USP13: variants seen among roughly 807,000 people sequenced by gnomAD.
USP13 encodes ubiquitin carboxyl-terminal hydrolase 13.
USP13 carries 68 observed loss-of-function variants against 107.8 expected under a neutral mutation model. That is an observed-to-expected ratio of 0.63 (90% CI 0.52 to 0.77). The LOEUF (loss-of-function observed/expected upper bound fraction) is 0.77. Among genes scored for constraint, USP13 ranks in the 30% least tolerant of loss-of-function variants. The probability of loss-of-function intolerance (pLI) is 0.00; values close to 1 mark genes in which losing one functional copy is unlikely to be tolerated. For synonymous variants in USP13, 377 were observed against 389.5 expected, an observed-to-expected ratio of 0.97 and a Z score of 0.38; for missense variants, 945 against 1,093.3, an observed-to-expected ratio of 0.86 and a Z score of 1.91.
intron 8 of USP13, among the ~76,000 whole-genome samples, chr3:179,728,872 G>C (rs556871177): frequency 4.6e-5 from 7 of 151,344 alleles, no homozygotes; most frequent in Admixed American, 2.6e-4. Context: ...ATCGCAGGCA[G>C]TCGGCAGGCT....
In USP13 at chr3:179,761,243, A is replaced by G. The variant is rs1376392450; in HGVS notation, c.2080A>G (p.Met694Val). 6.2e-7 allele frequency: 1 copy of G among 1,614,182 alleles called. No homozygotes were observed. Among genetic ancestry groups the G allele is most frequent in the Non-Finnish European group, 8.5e-7 (1 of 1,180,034 alleles). Residue 694 changes from methionine (M) to valine (V), a missense_variant, in exon 17 of 21, where the codon ATG becomes GTG. Physicochemically the swap from Met to Val is conservative, Grantham distance 21 (BLOSUM62 1). Coordinates refer to ENST00000263966, the MANE Select transcript of USP13 (RefSeq NM_003940.3). ...EVAFNWIIVH[M>V]EEPDFAEPLT... ...GGCCTTCAACTGGATCATTGTTCAC[A>G]TGGAAGAGCCAGGTAGGTGGCGAGA...
chr3:179,746,589 T>C (rs530269425), intron 13 of USP13, among the ~76,000 whole-genome samples: 70 of 152,218 alleles, frequency 4.6e-4, no homozygotes, highest in African/African-American at 1.6e-3. Context: ...TGTGCCACCA[T>C]GCCCGGCTAG....
chr3:179,769,078 A>C (rs551497498), intron 19 of USP13, among the ~76,000 whole-genome samples: 1 of 152,340 alleles, frequency 6.6e-6, no homozygotes, highest in South Asian at 2.1e-4. Flanking sequence ...AATGTATAAA[A>C]ATGAATATAA....
At chr3:179,695,030 A>G (rs894764675) in intron 3 of USP13, among the ~76,000 whole-genome samples, 14 of 152,152 alleles carry the variant, frequency 9.2e-5, no homozygotes, top group Admixed American at 8.5e-4. Context: ...GGGGTCTCTT[A>G]TTAGGAAGAA....
intron 15 of USP13, among the ~76,000 whole-genome samples, chr3:179,756,597 A>G (rs1714809432): frequency 6.6e-6 from 1 of 151,962 alleles, no homozygotes; most frequent in Non-Finnish European, 1.5e-5. Context: ...TAAAAAATTT[A>G]AAAGTTTGCC....
intron 10 of USP13, among the ~76,000 whole-genome samples, chr3:179,734,682 CT>C (rs1713924294): frequency 6.6e-6 from 1 of 152,216 alleles, no homozygotes; most frequent in Non-Finnish European, 1.5e-5. Flanking sequence ...GGGAATGCCC[CT>C]GTCCTCTTAG....
rs1408796121 is a variant in USP13 at position 179,786,763 on chromosome 3, A to G, written c.*2622A>G. On this transcript the variant is annotated 3_prime_UTR_variant, in exon 21 of 21. Transcript: ENST00000263966. ...GACTGAAAAGTGGAATAACGTGTGG[A>G]TTTTGTCAACTCATTATCAGTCTGT... 1 of 152,230 alleles carries G rather than the reference A, an allele frequency of 6.6e-6. No individual in the cohort carries two copies. Among genetic ancestry groups the G allele is most frequent in the Non-Finnish European group, 1.5e-5 (1 of 68,046 alleles). The allele number at this position is 152,230 out of a possible 1,614,324, so 9.4% of individuals were successfully genotyped here. A position where few individuals can be genotyped will look rare whatever the true frequency, so the allele number is the denominator to read the frequency against.
At chr3:179,764,366 G>A (rs546777813) in intron 18 of USP13, among the ~76,000 whole-genome samples, 198 bp downstream of exon 18, 12 of 152,192 alleles carry the variant, frequency 7.9e-5, no homozygotes, top group East Asian at 1.9e-4. Flanking sequence ...TTCACACAGC[G>A]AATGAGATAA....
At chr3:179,741,777 T>A (rs1416454031) in intron 11 of USP13, among the ~76,000 whole-genome samples, 2 of 152,246 alleles carry the variant, frequency 1.3e-5, no homozygotes, top group Non-Finnish European at 2.9e-5. Flanking sequence ...CATCATCACA[T>A]CTGTTAACAG....
intron 17 of USP13, among the ~76,000 whole-genome samples, chr3:179,763,118 A>G (rs908803865): frequency 6.6e-6 from 1 of 152,188 alleles, no homozygotes; most frequent in Non-Finnish European, 1.5e-5. Flanking sequence ...CAAATTCCAG[A>G]TACGAGTTTC....
intron 19 of USP13, among the ~76,000 whole-genome samples, chr3:179,774,241 C>T (rs939721878): frequency 2.0e-5 from 3 of 152,098 alleles, no homozygotes; most frequent in African/African-American, 7.2e-5. Context: ...GAGAGGGCAC[C>T]AAGGTATTCA....
At chr3:179,772,576 A>G (rs1164431181) in intron 19 of USP13, among the ~76,000 whole-genome samples, 1 of 152,224 alleles carries the variant, frequency 6.6e-6, no homozygotes, top group African/African-American at 2.4e-5. Flanking sequence ...CAGGGAAGCT[A>G]AGCCCCAGTG....
At chr3:179,735,382 T>G (rs764837480) in intron 10 of USP13, among the ~76,000 whole-genome samples, 22 of 152,168 alleles carry the variant, frequency 1.4e-4, no homozygotes, top group Non-Finnish European at 3.1e-4. Flanking sequence ...GATTTTTGGT[T>G]TCTTTTAGGG....
At chr3:179,732,857 GTA>G (rs1713855975) in intron 10 of USP13, among the ~76,000 whole-genome samples, 2 of 152,180 alleles carry the variant, frequency 1.3e-5, no homozygotes, top group Admixed American at 1.3e-4. Flanking sequence ...CTGTAGTGTA[GTA>G]GCTCCTTACA....
At chr3:179,766,053 C>A (rs186908176) in intron 19 of USP13, among the ~76,000 whole-genome samples, 1 of 151,466 alleles carries the variant, frequency 6.6e-6, no homozygotes, top group Non-Finnish European at 1.5e-5. Flanking sequence ...GATCTCGGCT[C>A]ACTGCAACCT....
intron 1 of USP13, among the ~76,000 whole-genome samples, chr3:179,663,993 TG>T (rs1241233277): frequency 6.6e-6 from 1 of 152,174 alleles, no homozygotes; most frequent in Non-Finnish European, 1.5e-5. Context: ...ATCTCTGTCA[TG>T]GGTGGGATAC....
At chr3:179,675,682 G>A (rs536411077) in intron 1 of USP13, among the ~76,000 whole-genome samples, 1 of 151,950 alleles carries the variant, frequency 6.6e-6, no homozygotes, top group East Asian at 1.9e-4. Flanking sequence ...TGAGTAGCTG[G>A]GACTAGAAGC....
At chr3:179,667,202 A>G (rs1164299494) in intron 1 of USP13, among the ~76,000 whole-genome samples, 3 of 152,010 alleles carry the variant, frequency 2.0e-5, no homozygotes, top group African/African-American at 4.8e-5. Flanking sequence ...GAAGAGAGAC[A>G]TCTTTTACTC....
rs1491363749 is a variant in USP13 at position 179,727,808 on chromosome 3, C to CG, written c.1089-2381_1089-2380insG. ...CTGGGCAGGGGGCTGACCCCCCCCC[C>CG]ACCTCCCTCCCGGACGGGGCGGCTG... On this transcript the variant is annotated intron_variant, in intron 8 of 20. Transcript: ENST00000263966. Among the ~76,000 whole-genome samples the CG allele has an allele frequency of 2.5e-4, 17 of 68,854 alleles. 1 individual carries two copies. The highest frequency in any genetic ancestry group is 8.6e-4 in the African/African-American group (16 of 18,708). 45.2% of individuals were successfully genotyped at this position (68,854 alleles called of 152,430 possible). A position where few individuals can be genotyped will look rare whatever the true frequency, so the allele number is the denominator to read the frequency against.
Sources: gnomAD v4.1 joint callset for allele counts (sites outside exome capture counted in the v4.1 genomes callset) on GRCh38, gnomAD v4.1.1 for gene constraint, MANE v1.5 for transcripts, NCBI Gene and HGNC (gene_info 2026-07-23, HGNC 2026-07-21) for gene names.